Variants in GAPVD1 observed in about 807,000 individuals in gnomAD.
The protein encoded by GAPVD1 is GTPase activating protein and VPS9 domains 1.
GAPVD1 carries 35 observed loss-of-function variants against 155.5 expected under a neutral mutation model. That is an observed-to-expected ratio of 0.23 (90% CI 0.17 to 0.30). The LOEUF (loss-of-function observed/expected upper bound fraction) is 0.30, where lower values mean the gene tolerates loss of function less well. Among genes scored for constraint, GAPVD1 ranks in the 10% least tolerant of loss-of-function variants. The pLI, the probability that GAPVD1 is intolerant of heterozygous loss-of-function variation, is 1.00. For missense variants in GAPVD1, 1,429 were observed against 1,775.7 expected, an observed-to-expected ratio of 0.80 and a Z score of 3.51; for synonymous variants, 636 against 619.7, an observed-to-expected ratio of 1.03 and a Z score of -0.39.
rs1192682129 is a variant in GAPVD1, at chr9:125,360,655, G to A, written c.4172G>A (p.Ser1391Asn). Residue 1391 changes from serine to asparagine, a missense_variant, in exon 27 of 28, where the codon AGC becomes AAC. Transcript: ENST00000297933. ...RMCSTIMNLLSLANEDSVPGA... is the reference protein window; with the variant it reads ...RMCSTIMNLLNLANEDSVPGA... ...TGCTCTACGATTATGAACCTCCTGA[G>A]CCTGGCCAATGAGGACTCTGTCCCT... 1.2e-6 allele frequency: 2 copies of A among 1,613,996 alleles called. No homozygotes were observed. The highest frequency in any genetic ancestry group is 1.7e-6 in the Non-Finnish European group (2 of 1,180,000).
intron 27 of GAPVD1, among the ~76,000 whole-genome samples, chr9:125,361,277 C>T (rs560831499): frequency 4.7e-4 from 71 of 152,186 alleles, no homozygotes; most frequent in Non-Finnish European, 8.4e-4. Context: ...CGGTGGCTCA[C>T]GCTTGTAATC....
intron 27 of GAPVD1, among the ~76,000 whole-genome samples, chr9:125,361,875 C>T (rs550743244): frequency 2.0e-5 from 3 of 152,278 alleles, no homozygotes; most frequent in East Asian, 1.9e-4. Context: ...TCAGCTCAGC[C>T]CAGCTGTTGC....
rs527457129 is a variant in GAPVD1 at position 125,337,442 on chromosome 9, C to A, written c.2728C>A (p.Arg910=). Residue 910 remains arginine, a synonymous_variant, in exon 17 of 28, where the codon CGG becomes AGG. Transcript: ENST00000297933. The part of the protein sequence containing the change: ...SRSSDIVSSV[R]RPMSDPSWNR... ...GAGCTCTGATATAGTATCTTCTGTC[C>A]GGAGACCCATGAGTGACCCCAGCTG... 107 of 1,614,130 alleles carry A rather than the reference C, an allele frequency of 6.6e-5. 3 individuals carry two copies. The South Asian group carries it at 1.0e-3, about 15-fold the overall frequency.
intron 26 of GAPVD1, 116 bp from the exon 27 acceptor site, chr9:125,360,412 A>G (rs1850734211): frequency 1.4e-6 from 1 of 717,808 alleles, no homozygotes; most frequent in Non-Finnish European, 2.4e-6. Flanking sequence ...GGTTTTACCA[A>G]AGAGAGGAAA....
At chr9:125,335,323 G>GTTAT (rs745821570) in intron 15 of GAPVD1, 6 of 534,644 alleles carry the variant, frequency 1.1e-5, no homozygotes, top group Non-Finnish European at 2.0e-5. Context: ...GAAAATAATA[G>GTTAT]TTATTTATTT....
intron 25 of GAPVD1, among the ~76,000 whole-genome samples, chr9:125,356,621 C>T (rs1453895301): frequency 1.3e-5 from 2 of 152,052 alleles, no homozygotes; most frequent in Non-Finnish European, 2.9e-5. Context: ...ACCTTGGCCT[C>T]CTCCCAAATT....
chr9:125,337,743 A>C lies in GAPVD1; in HGVS notation c.2877+152A>C, dbSNP rs572690205. 1.6e-4 allele frequency: 131 copies of C among 795,144 alleles called. 1 individual carries two copies. Among genetic ancestry groups the C allele is most frequent in the South Asian group, 1.4e-3 (69 of 50,754 alleles). 49.3% of individuals were successfully genotyped at this position (795,144 alleles called of 1,614,324 possible). On this transcript the variant is annotated intron_variant, in intron 17 of 27. Transcript: ENST00000297933. ...GTCAATCTATGGGCCCACAACCATA[A>C]CCGCAGGAAACCTGTACAACTTTGG...
At chr9:125,262,368 A>G (rs1362235823) in intron 1 of GAPVD1, among the ~76,000 whole-genome samples, 2 of 152,172 alleles carry the variant, frequency 1.3e-5, no homozygotes, top group African/African-American at 2.4e-5. Context: ...GCTGCAGGGA[A>G]GCTTGACAAG....
At chr9:125,323,280 A>G (rs1844657136) in intron 10 of GAPVD1, among the ~76,000 whole-genome samples, 1 of 147,818 alleles carries the variant, frequency 6.8e-6, no homozygotes, top group African/African-American at 2.5e-5. Flanking sequence ...TAATTTTTAT[A>G]TTTTTTGTTT....
At chr9:125,328,813 G>C (rs1386640992) in intron 12 of GAPVD1, among the ~76,000 whole-genome samples, 1 of 140,738 alleles carries the variant, frequency 7.1e-6, no homozygotes, top group East Asian at 2.1e-4. Context: ...GGACGAGGCG[G>C]CTGGCCGGGC....
chr9:125,287,538 G>T (rs1056278726), intron 2 of GAPVD1, among the ~76,000 whole-genome samples: 4 of 152,062 alleles, frequency 2.6e-5, no homozygotes, highest in Non-Finnish European at 5.9e-5. Flanking sequence ...AAATGGGAAG[G>T]CCAGTTTGGC....
intron 2 of GAPVD1, among the ~76,000 whole-genome samples, chr9:125,280,230 C>T (rs1836540173): frequency 6.6e-6 from 1 of 150,708 alleles, no homozygotes; most frequent in Non-Finnish European, 1.5e-5. Context: ...AACCCCGTCT[C>T]CACTAAAAAT....
intron 2 of GAPVD1, among the ~76,000 whole-genome samples, chr9:125,282,880 A>G (rs1837009768): frequency 2.0e-5 from 3 of 152,148 alleles, no homozygotes. Context: ...TATGTTAATT[A>G]AAATAGTCTT....
intron 25 of GAPVD1, among the ~76,000 whole-genome samples, chr9:125,359,167 T>A (rs1850554765): frequency 1.3e-5 from 2 of 152,162 alleles, no homozygotes; most frequent in African/African-American, 4.8e-5. Context: ...TCTCCTTTCT[T>A]CCTTGCAGTG....
intron 15 of GAPVD1, among the ~76,000 whole-genome samples, chr9:125,333,109 G>T (rs1345364081): frequency 6.6e-6 from 1 of 151,622 alleles, no homozygotes; most frequent in South Asian, 2.1e-4. Context: ...GTCTTGTGCT[G>T]TCACCCAGGC....
intron 12 of GAPVD1, 117 bp from the exon 13 acceptor site, chr9:125,329,961 T>C (rs764940758): frequency 9.2e-5 from 67 of 730,108 alleles, no homozygotes; most frequent in Non-Finnish European, 1.4e-4. Context: ...GGATTACAGG[T>C]GTGAGCCACC....
chr9:125,304,641 GA>G (rs935580189), intron 5 of GAPVD1, among the ~76,000 whole-genome samples: 12 of 152,078 alleles, frequency 7.9e-5, no homozygotes, highest in Non-Finnish European at 1.8e-4. Context: ...TAAATCTAGG[GA>G]AAAAATTATA....
intron 15 of GAPVD1, among the ~76,000 whole-genome samples, chr9:125,333,356 A>C (rs1413251013): frequency 1.3e-5 from 2 of 152,142 alleles, no homozygotes; most frequent in Non-Finnish European, 2.9e-5. Flanking sequence ...CTGGGAGTAC[A>C]GGTGTGAGCC....
intron 23 of GAPVD1, 152 bp downstream of exon 23, chr9:125,351,024 G>T: frequency 1.6e-6 from 1 of 644,118 alleles, no homozygotes; most frequent in Non-Finnish European, 2.7e-6. Flanking sequence ...CTGTTCTCAC[G>T]CTGCTGATAA....
Sources: gnomAD v4.1 joint callset for allele counts (sites outside exome capture counted in the v4.1 genomes callset) on GRCh38, gnomAD v4.1.1 for gene constraint, MANE v1.5 for transcripts, NCBI Gene and HGNC (gene_info 2026-07-23, HGNC 2026-07-21) for gene names.